The following KCNIP1 variants were observed in gnomAD, a reference collection of about 807,000 sequenced individuals.
KCNIP1 encodes the protein A-type potassium channel modulatory protein KCNIP1.
KCNIP1 carries 18 observed loss-of-function variants against 33.0 expected under a neutral mutation model. The ratio of observed to expected loss-of-function variants is 0.55; its 90% confidence interval spans 0.38 to 0.81. The LOEUF (loss-of-function observed/expected upper bound fraction) is 0.81, where lower values mean the gene tolerates loss of function less well. KCNIP1 is among the 30% of genes least tolerant of loss of function. KCNIP1 has a pLI of 0.00. For missense variants in KCNIP1, 238 were observed against 271.6 expected (o/e 0.88, Z 0.87); for synonymous variants, 93 against 98.3 (o/e 0.95, Z 0.32).
chr5:170,417,539 G>A (rs1375405973), intron 1 of KCNIP1, among the ~76,000 whole-genome samples: 1 of 152,146 alleles, frequency 6.6e-6, no homozygotes, highest in East Asian at 1.9e-4. Flanking sequence ...TCCCTTCTGC[G>A]TGAGGCCACC....
intron 1 of KCNIP1, chr5:170,376,339 T>G (rs963674099): frequency 1.3e-5 from 2 of 151,828 alleles, no homozygotes; most frequent in Non-Finnish European, 2.9e-5. Context: ...ATTTTTTCTA[T>G]TTTTTAGTAG....
At chr5:170,604,206 C>A (rs991614054) in intron 1 of KCNIP1, among the ~76,000 whole-genome samples, 1 of 152,076 alleles carries the variant, frequency 6.6e-6, no homozygotes, top group Non-Finnish European at 1.5e-5. Flanking sequence ...GGGTTCCATT[C>A]TAGGGAAATC....
At chr5:170,383,914 T>C (rs1561596730) in intron 1 of KCNIP1, 2 of 1,528,278 alleles carry the variant, frequency 1.3e-6, no homozygotes, top group African/African-American at 1.4e-5. Context: ...AGAACACCCA[T>C]TTGAACCCAT....
intron 1 of KCNIP1, among the ~76,000 whole-genome samples, chr5:170,511,638 C>T (rs1754933444): frequency 6.6e-6 from 1 of 152,242 alleles, no homozygotes; most frequent in Non-Finnish European, 1.5e-5. Flanking sequence ...CACCCAGTGC[C>T]AGGCACCTTG....
At chr5:170,445,437 G>A (rs966542478) in intron 1 of KCNIP1, among the ~76,000 whole-genome samples, 1 of 152,252 alleles carries the variant, frequency 6.6e-6, no homozygotes, top group Non-Finnish European at 1.5e-5. Flanking sequence ...TGAGAGGACT[G>A]CGGATCCCGA....
rs529421574 is a variant in KCNIP1 at position 170,706,002 on chromosome 5, C to T, written c.62-12756C>T. 2.6e-5 allele frequency among the ~76,000 whole-genome samples: 4 copies of T among 152,270 alleles called. No individual in the cohort carries two copies. In the South Asian group the frequency reaches 8.3e-4, roughly 32 times the overall value. On this transcript the variant is annotated intron_variant, in intron 1 of 7. Transcript: ENST00000328939. The stretch of plus-strand genomic sequence containing the variant: ...ATTCTAGCTTGAATTAGTCTAATAA[C>T]CATATACCTCCTAGGGGCAGTGAGA...
At chr5:170,549,328 T>G (rs1223510171) in intron 1 of KCNIP1, among the ~76,000 whole-genome samples, 1 of 152,184 alleles carries the variant, frequency 6.6e-6, no homozygotes, top group East Asian at 1.9e-4. Flanking sequence ...AAATATGGAT[T>G]CTGAGGGTGC....
At chr5:170,616,791 A>G (rs1009690636) in intron 1 of KCNIP1, among the ~76,000 whole-genome samples, 8 of 152,142 alleles carry the variant, frequency 5.3e-5, no homozygotes, top group Non-Finnish European at 1.0e-4. Flanking sequence ...CGCCCAGGCT[A>G]TTCCATCTGC....
chr5:170,498,098 A>G (rs1254644413), intron 1 of KCNIP1, among the ~76,000 whole-genome samples: 3 of 152,274 alleles, frequency 2.0e-5, no homozygotes, highest in African/African-American at 7.2e-5. Flanking sequence ...CCCAAGTCCT[A>G]TTCAAAGGTC....
At chr5:170,473,539 G>A (rs1026675436) in intron 1 of KCNIP1, among the ~76,000 whole-genome samples, 2 of 152,248 alleles carry the variant, frequency 1.3e-5, no homozygotes, top group South Asian at 2.1e-4. Context: ...GAGGGGCCAG[G>A]AGTTTTTAAT....
intron 1 of KCNIP1, among the ~76,000 whole-genome samples, chr5:170,588,846 G>T (rs1184708630): frequency 6.6e-6 from 1 of 152,014 alleles, no homozygotes; most frequent in African/African-American, 2.4e-5. Flanking sequence ...TTAGACTGAG[G>T]CTCTTTACCC....
At chr5:170,393,426 T>C (rs1430814011) in intron 1 of KCNIP1, among the ~76,000 whole-genome samples, 6 of 152,216 alleles carry the variant, frequency 3.9e-5, no homozygotes, top group Non-Finnish European at 8.8e-5. Flanking sequence ...CTCTCAGTCC[T>C]AGCGAAGCTG....
chr5:170,648,190 A>G (rs1254967255), intron 1 of KCNIP1, among the ~76,000 whole-genome samples: 4 of 152,242 alleles, frequency 2.6e-5, no homozygotes, highest in Admixed American at 1.3e-4. Flanking sequence ...ACTGTGCAAA[A>G]CAGTACAGCT....
At chr5:170,705,024 T>C (rs746924290) in intron 1 of KCNIP1, among the ~76,000 whole-genome samples, 9 of 152,234 alleles carry the variant, frequency 5.9e-5, no homozygotes, top group Admixed American at 2.0e-4. Context: ...TAGAAATCAA[T>C]ACATTAATAA....
intron 1 of KCNIP1, among the ~76,000 whole-genome samples, chr5:170,570,932 G>A (rs1218191595): frequency 6.6e-6 from 1 of 152,230 alleles, no homozygotes; most frequent in African/African-American, 2.4e-5. Context: ...GGAGGTATGT[G>A]TCATTATCCT....
rs148373754 is a variant in KCNIP1 at position 170,465,008 on chromosome 5, T to A, written c.88+111044T>A. On this transcript the variant is annotated intron_variant, in intron 1 of 7. Coordinates refer to the KCNIP1 transcript ENST00000377360. The stretch of plus-strand genomic sequence containing the variant: ...TCCACTGTCACCTGTGTGCCACAAG[T>A]GCTCTCTGTACACATGCTCCACCTG... Among the ~76,000 whole-genome samples, 20 of 152,274 alleles carry A rather than the reference T, an allele frequency of 1.3e-4. 1 individual carries two copies. Among genetic ancestry groups the A allele is most frequent in the African/African-American group, 4.3e-4 (18 of 41,566 alleles).
intron 1 of KCNIP1, among the ~76,000 whole-genome samples, chr5:170,600,649 T>C (rs1428852134): frequency 6.6e-6 from 1 of 152,198 alleles, no homozygotes; most frequent in African/African-American, 2.4e-5. Context: ...GAGCATGTCA[T>C]TCATGGCTGT....
chr5:170,386,468 C>T (rs1226337642), intron 1 of KCNIP1, among the ~76,000 whole-genome samples: 1 of 152,196 alleles, frequency 6.6e-6, no homozygotes, highest in Admixed American at 6.5e-5. Flanking sequence ...TTTGCTACAA[C>T]AGTCATAGGT....
rs556748213 is a variant in KCNIP1, at chr5:170,546,760, T to A, written c.61+42127T>A. ...CATCTTACCTGGAAGCAATACCTTA[T>A]CTTGTTATTTTTAAGTCAACAAATT... On this transcript the variant is annotated intron_variant, in intron 1 of 7. Transcript: ENST00000328939. Among the ~76,000 whole-genome samples the A allele has an allele frequency of 4.9e-4, 74 of 151,950 alleles. 2 individuals are homozygous for A. In the South Asian group the frequency reaches 0.015, roughly 31 times the overall value.
Sources: allele counts gnomAD v4.1 joint callset (sites outside exome capture counted in the v4.1 genomes callset), GRCh38; gene constraint gnomAD v4.1.1; transcripts MANE v1.5; gene names NCBI Gene and HGNC (gene_info 2026-07-23, HGNC 2026-07-21).